Variants in SLC22A3 observed in about 807,000 individuals in gnomAD.
SLC22A3 encodes solute carrier family 22 member 3.
Under a neutral mutation model 59.1 loss-of-function variants are expected in SLC22A3, and 51 were observed. The observed-to-expected ratio is 0.86, with a 90% CI of 0.69 to 1.09. The LOEUF (loss-of-function observed/expected upper bound fraction) is 1.09, where lower values mean the gene tolerates loss of function less well. Among genes scored for constraint, SLC22A3 ranks in the 50% least tolerant of loss-of-function variants. The probability of loss-of-function intolerance (pLI) is 0.00; values close to 1 mark genes in which losing one functional copy is unlikely to be tolerated. For missense variants in SLC22A3, 711 were observed against 726.3 expected, an observed-to-expected ratio of 0.98 and a Z score of 0.24; for synonymous variants, 325 against 292.0, an observed-to-expected ratio of 1.11 and a Z score of -1.15.
chr6:160,410,093 T>C (rs748008799), intron 4 of SLC22A3, among the ~76,000 whole-genome samples: 31 of 152,238 alleles, frequency 2.0e-4, no homozygotes, highest in Non-Finnish European at 2.9e-4. Context: ...CTCGGCTCAC[T>C]GCAACCTCTG....
intron 1 of SLC22A3, among the ~76,000 whole-genome samples, chr6:160,378,252 C>A (rs892864688): frequency 7.2e-5 from 11 of 152,260 alleles, no homozygotes; most frequent in East Asian, 1.9e-4. Context: ...AAAAGATACA[C>A]ATTAAACTGG....
intron 1 of SLC22A3, among the ~76,000 whole-genome samples, chr6:160,371,137 G>A (rs1785383945): frequency 2.0e-5 from 3 of 152,284 alleles, no homozygotes; most frequent in South Asian, 4.1e-4. Flanking sequence ...AGCCCTTAGT[G>A]CACAACAACA....
chr6:160,363,662 A>G (rs1271467724), intron 1 of SLC22A3, among the ~76,000 whole-genome samples: 1 of 151,850 alleles, frequency 6.6e-6, no homozygotes, highest in Admixed American at 6.6e-5. Flanking sequence ...CCCAGGCCAC[A>G]CTCCGCAGAA....
At chr6:160,362,492 CGTT>C (rs1274332122) in intron 1 of SLC22A3, among the ~76,000 whole-genome samples, 2 of 152,212 alleles carry the variant, frequency 1.3e-5, no homozygotes, top group Non-Finnish European at 2.9e-5. Context: ...CACCCTTTCC[CGTT>C]GTTGTCTTTT....
rs1196816502 is a variant in SLC22A3 at position 160,451,995 on chromosome 6, T to C, written c.*939T>C. 6.6e-6 allele frequency: 1 copy of C among 152,234 alleles called. No individual in the cohort carries two copies. The allele number at this position is 152,234 out of a possible 1,614,324, so 9.4% of individuals were successfully genotyped here. ...ACAATTCCTATTCATTCTTAGCACT[T>C]TGACATGTCTTGGGGAAAAGCTTAC... On this transcript the variant is annotated 3_prime_UTR_variant, in exon 11 of 11. Coordinates refer to ENST00000275300, the MANE Select transcript of SLC22A3 (RefSeq NM_021977.4).
rs369020071 is a variant in SLC22A3 at position 160,447,841 on chromosome 6, C to T, written c.1610+23C>T. On this transcript the variant is annotated intron_variant, in intron 10 of 10. Coordinates refer to ENST00000275300, the MANE Select transcript of SLC22A3 (RefSeq NM_021977.4). ...CAGGTACTGTACAAAATTCAATGCA[C>T]CCTAAATAAAAGCAATATTTAAAAC... 2.7e-5 allele frequency: 41 copies of T among 1,544,190 alleles called. No homozygotes were observed. The African/African-American group carries it at 4.4e-4, about 16-fold the overall frequency.
At chr6:160,400,084 A>ATTTTTTTTTTTTTTTTT (rs760874011) in intron 2 of SLC22A3, among the ~76,000 whole-genome samples, 1 of 95,410 alleles carries the variant, frequency 1.0e-5, no homozygotes, top group African/African-American at 4.1e-5. Flanking sequence ...AGCTTTTGTG[A>ATTTTTTTTTTTTTTTTT]TTTTTTTTTT....
At chr6:160,403,048 C>T (rs531845775) in intron 2 of SLC22A3, among the ~76,000 whole-genome samples, 21 of 150,068 alleles carry the variant, frequency 1.4e-4, no homozygotes, top group African/African-American at 3.7e-4. Context: ...GAGCAGAAAT[C>T]GATAAAATTA....
intron 5 of SLC22A3, among the ~76,000 whole-genome samples, chr6:160,419,166 G>A (rs1436313695): frequency 6.6e-6 from 1 of 152,042 alleles, no homozygotes; most frequent in Admixed American, 6.6e-5. Context: ...GTGTCTTACT[G>A]ATTTTTTTTA....
intron 1 of SLC22A3, among the ~76,000 whole-genome samples, chr6:160,373,517 T>G (rs1261945662): frequency 6.6e-6 from 1 of 152,150 alleles, no homozygotes; most frequent in Non-Finnish European, 1.5e-5. Flanking sequence ...GTCTGTCCCT[T>G]AGCAGAACTT....
intron 5 of SLC22A3, among the ~76,000 whole-genome samples, chr6:160,421,998 C>T (rs985166821): frequency 3.3e-5 from 5 of 152,224 alleles, no homozygotes; most frequent in Admixed American, 2.6e-4. Context: ...CGCGCTCCTT[C>T]GTGGAGACAG....
At chr6:160,364,405 AC>A in intron 1 of SLC22A3, among the ~76,000 whole-genome samples, 1 of 152,320 alleles carries the variant, frequency 6.6e-6, no homozygotes, top group Non-Finnish European at 1.5e-5. Context: ...TCATGGTGGC[AC>A]CACATGTGAC....
In SLC22A3 at chr6:160,414,344, G is replaced by T. The variant is rs138858595; in HGVS notation, c.975+3498G>T. ...GACCAATTTCTCCCATCAACTCTTG[G>T]TGACACTGAGATATAGCTCATATAG... On this transcript the variant is annotated intron_variant, in intron 5 of 10. Transcript: ENST00000275300. Among the ~76,000 whole-genome samples, 169 of 152,194 alleles carry T rather than the reference G, an allele frequency of 1.1e-3. 2 individuals are homozygous for T. Among genetic ancestry groups the T allele is most frequent in the Admixed American group, 2.1e-3 (32 of 15,292 alleles).
chr6:160,368,798 G>A (rs1785295822), intron 1 of SLC22A3, among the ~76,000 whole-genome samples: 1 of 152,208 alleles, frequency 6.6e-6, no homozygotes, highest in Non-Finnish European at 1.5e-5. Flanking sequence ...GACCCCTGTG[G>A]CTGGCGCAGG....
chr6:160,422,988 C>G (rs958538663), intron 5 of SLC22A3, among the ~76,000 whole-genome samples: 9 of 152,206 alleles, frequency 5.9e-5, no homozygotes, highest in Admixed American at 3.9e-4. Flanking sequence ...CCCCTTCCCC[C>G]ACCCCGCAAC....
At chr6:160,442,920 G>A (rs775939483) in intron 8 of SLC22A3, 51 bp downstream of exon 8, 14 of 1,387,320 alleles carry the variant, frequency 1.0e-5, no homozygotes, top group Admixed American at 6.8e-5. Context: ...GTAGACCAGC[G>A]TTTTAAGTTG....
At chr6:160,441,008 A>G (rs1788517340) in intron 7 of SLC22A3, among the ~76,000 whole-genome samples, 1 of 152,010 alleles carries the variant, frequency 6.6e-6, no homozygotes, top group South Asian at 2.1e-4. Context: ...GGATTTTTCC[A>G]TGAAACACCT....
chr6:160,428,242 G>A (rs897333324), intron 5 of SLC22A3, among the ~76,000 whole-genome samples: 1 of 152,214 alleles, frequency 6.6e-6, no homozygotes, highest in Non-Finnish European at 1.5e-5. Flanking sequence ...TGCATAGATA[G>A]AGGCCCATTT....
intron 5 of SLC22A3, among the ~76,000 whole-genome samples, chr6:160,423,942 T>G (rs1222697052): frequency 6.6e-6 from 1 of 152,230 alleles, no homozygotes; most frequent in Non-Finnish European, 1.5e-5. Context: ...TTCCAGGGTT[T>G]TTATGGTTTC....
Sources: allele counts gnomAD v4.1 joint callset (sites outside exome capture counted in the v4.1 genomes callset), GRCh38; gene constraint gnomAD v4.1.1; transcripts MANE v1.5; gene names NCBI Gene and HGNC (gene_info 2026-07-23, HGNC 2026-07-21).